Variants in CNTNAP2 observed in about 807,000 individuals in gnomAD.
CNTNAP2 encodes contactin associated protein 2.
Under a neutral mutation model 155.2 loss-of-function variants are expected in CNTNAP2, and 98 were observed. The observed-to-expected ratio is 0.63, with a 90% CI of 0.54 to 0.75. CNTNAP2 has a LOEUF of 0.75. CNTNAP2 is among the 30% of genes least tolerant of loss of function. The probability of loss-of-function intolerance (pLI) is 0.00; values close to 1 mark genes in which losing one functional copy is unlikely to be tolerated. For missense variants in CNTNAP2, 1,727 were observed against 1,688.1 expected, an observed-to-expected ratio of 1.02 and a Z score of -0.40; for synonymous variants, 651 against 631.2, an observed-to-expected ratio of 1.03 and a Z score of -0.47.
chr7:146,368,913 G>A (rs1209456490), intron 1 of CNTNAP2, among the ~76,000 whole-genome samples: 1 of 149,622 alleles, frequency 6.7e-6, no homozygotes, highest in Non-Finnish European at 1.5e-5. Context: ...TTTAAATACT[G>A]TAACTTGTGT....
Position 146,879,150 on chromosome 7 carries a change from G to T in CNTNAP2, c.402+39246G>T, listed in dbSNP as rs2129208866. Among the ~76,000 whole-genome samples, 2 of 152,214 alleles carry T rather than the reference G, an allele frequency of 1.3e-5. 1 individual carries two copies. ...GCAGTGTCTGTGCTGCCATTTCATT[G>T]CCCTGTGGCAGGCATCATTTTCCCA... On this transcript the variant is annotated intron_variant, in intron 3 of 23. Coordinates refer to ENST00000361727, the MANE Select transcript of CNTNAP2 (RefSeq NM_014141.6).
chr7:146,926,418 A>C (rs1331318409), intron 3 of CNTNAP2, among the ~76,000 whole-genome samples: 1 of 152,092 alleles, frequency 6.6e-6, no homozygotes. Context: ...AACTGAGTTT[A>C]TGTCTGAATT....
At chr7:146,965,126 A>G (rs1456576693) in intron 3 of CNTNAP2, among the ~76,000 whole-genome samples, 1 of 152,168 alleles carries the variant, frequency 6.6e-6, no homozygotes, top group Non-Finnish European at 1.5e-5. Context: ...AACGGCAGGA[A>G]GGTGGGGTCC....
intron 1 of CNTNAP2, among the ~76,000 whole-genome samples, chr7:146,260,907 T>G (rs367931815): frequency 6.6e-6 from 1 of 152,154 alleles, no homozygotes; most frequent in Non-Finnish European, 1.5e-5. Context: ...AATAATATGG[T>G]TGGGCTCTGT....
intron 8 of CNTNAP2, among the ~76,000 whole-genome samples, chr7:147,297,081 C>CA (rs990567353): frequency 1.3e-4 from 20 of 151,950 alleles, no homozygotes; most frequent in African/African-American, 4.6e-4. Flanking sequence ...TTAAACTTAA[C>CA]AAAAAAAATT....
chr7:146,525,372 A>G (rs1450418498), intron 1 of CNTNAP2, among the ~76,000 whole-genome samples: 1 of 152,210 alleles, frequency 6.6e-6, no homozygotes, highest in Non-Finnish European at 1.5e-5. Flanking sequence ...CACAAATGGC[A>G]TAACTATTAA....
intron 2 of CNTNAP2, among the ~76,000 whole-genome samples, chr7:146,790,128 A>G (rs1802644937): frequency 6.6e-6 from 1 of 152,104 alleles, no homozygotes; most frequent in Admixed American, 6.5e-5. Flanking sequence ...TTTTCTCCCA[A>G]ACTTCTTTCT....
intron 11 of CNTNAP2, among the ~76,000 whole-genome samples, chr7:147,549,327 A>G (rs1230830279): frequency 6.6e-6 from 1 of 152,024 alleles, no homozygotes; most frequent in Admixed American, 6.5e-5. Context: ...GTCCCTTGTA[A>G]GTTGTATTCC....
chr7:146,792,513 A>G (rs2129189356), intron 2 of CNTNAP2, among the ~76,000 whole-genome samples: 1 of 152,324 alleles, frequency 6.6e-6, no homozygotes, highest in African/African-American at 2.4e-5. Context: ...GAAAGGCCTA[A>G]ATGATAAGAC....
chr7:147,184,530 A>C (rs1423839754), intron 8 of CNTNAP2, among the ~76,000 whole-genome samples: 1 of 152,182 alleles, frequency 6.6e-6, no homozygotes, highest in Non-Finnish European at 1.5e-5. Flanking sequence ...AAAGAACAAA[A>C]TGACTGAACC....
At chr7:147,144,336 C>G (rs2129287944) in intron 8 of CNTNAP2, among the ~76,000 whole-genome samples, 1 of 152,328 alleles carries the variant, frequency 6.6e-6, no homozygotes, top group South Asian at 2.1e-4. Context: ...TACTTCCATC[C>G]TGACCCCAGC....
At chr7:147,949,010 T>C (rs967886050) in intron 14 of CNTNAP2, among the ~76,000 whole-genome samples, 3 of 151,838 alleles carry the variant, frequency 2.0e-5, no homozygotes, top group Admixed American at 6.6e-5. Flanking sequence ...GAGACCAGCC[T>C]GAACAACACG....
intron 3 of CNTNAP2, among the ~76,000 whole-genome samples, chr7:146,913,250 A>G (rs149753326): frequency 6.6e-6 from 1 of 152,092 alleles, no homozygotes; most frequent in African/African-American, 2.4e-5. Context: ...CGTGCATGGT[A>G]TCTGTAAGAG....
intron 13 of CNTNAP2, among the ~76,000 whole-genome samples, chr7:147,752,468 C>T (rs1335787097): frequency 6.6e-6 from 1 of 152,072 alleles, no homozygotes; most frequent in Non-Finnish European, 1.5e-5. Flanking sequence ...GAAAATGGAA[C>T]CGTCGTTCAT....
intron 3 of CNTNAP2, among the ~76,000 whole-genome samples, chr7:146,948,493 A>G (rs1797238789): frequency 6.6e-6 from 1 of 152,156 alleles, no homozygotes; most frequent in African/African-American, 2.4e-5. Context: ...TTTATAAATT[A>G]ATGTTAGTCT....
chr7:146,627,298 G>C (rs1004423276), intron 1 of CNTNAP2, among the ~76,000 whole-genome samples: 1 of 152,110 alleles, frequency 6.6e-6, no homozygotes, highest in African/African-American at 2.4e-5. Flanking sequence ...ATGAGATTTG[G>C]GTGGGGACAC....
At chr7:146,949,940 T>C (rs1797274869) in intron 3 of CNTNAP2, among the ~76,000 whole-genome samples, 1 of 152,168 alleles carries the variant, frequency 6.6e-6, no homozygotes, top group Admixed American at 6.6e-5. Context: ...AGGAAAACAA[T>C]GACATAATAA....
At chr7:147,130,115 TA>T (rs1801322984) in intron 7 of CNTNAP2, among the ~76,000 whole-genome samples, 1 of 151,970 alleles carries the variant, frequency 6.6e-6, no homozygotes, top group South Asian at 2.1e-4. Context: ...GAGTAGGAGA[TA>T]AAAAGATAGA....
chr7:147,410,540 G>A (rs1009283437), intron 10 of CNTNAP2, among the ~76,000 whole-genome samples: 1 of 152,084 alleles, frequency 6.6e-6, no homozygotes, highest in Non-Finnish European at 1.5e-5. Flanking sequence ...TGAACTTAAA[G>A]TTAAAACAAA....
Sources: gnomAD v4.1 joint callset for allele counts (sites outside exome capture counted in the v4.1 genomes callset) on GRCh38, gnomAD v4.1.1 for gene constraint, MANE v1.5 for transcripts, NCBI Gene and HGNC (gene_info 2026-07-23, HGNC 2026-07-21) for gene names.